The following LRMDA variants were observed in gnomAD, a reference collection of about 807,000 sequenced individuals.
LRMDA encodes leucine rich melanocyte differentiation associated.
A neutral mutation model predicts 29.8 loss-of-function variants in LRMDA; 18 were observed. That is an observed-to-expected ratio of 0.60 (90% CI 0.42 to 0.90). LRMDA has a LOEUF of 0.90. Ranked by LOEUF, LRMDA falls within the 40% of genes least tolerant of loss-of-function variation. The pLI, the probability that LRMDA is intolerant of heterozygous loss-of-function variation, is 0.00. For synonymous variants in LRMDA, 125 were observed against 109.4 expected, an observed-to-expected ratio of 1.14 and a Z score of -0.89; for missense variants, 273 against 273.9, an observed-to-expected ratio of 1.00 and a Z score of 0.02.
intron 6 of LRMDA, among the ~76,000 whole-genome samples, chr10:76,552,463 A>G (rs16933662): frequency 0.021 from 3,262 of 152,314 alleles, 44 homozygotes; most frequent in Middle Eastern, 0.034. Context: ...TCAAGGGCTG[A>G]CTTAGTCCAA....
chr10:76,531,471 T>G (rs1843233112), intron 6 of LRMDA, among the ~76,000 whole-genome samples: 1 of 152,166 alleles, frequency 6.6e-6, no homozygotes, highest in Admixed American at 6.5e-5. Context: ...TCCCCTTTTT[T>G]CCTGTGTTGC....
chr10:76,003,329 G>A (rs1257453380), intron 2 of LRMDA, among the ~76,000 whole-genome samples: 1 of 152,070 alleles, frequency 6.6e-6, no homozygotes, highest in East Asian at 1.9e-4. Context: ...CCGACTCAAG[G>A]CAAGCCTAGA....
chr10:75,544,116 TG>T (rs1840050241), intron 2 of LRMDA, among the ~76,000 whole-genome samples: 1 of 152,144 alleles, frequency 6.6e-6, no homozygotes, highest in Non-Finnish European at 1.5e-5. Context: ...CGTTTGTGTG[TG>T]TGTTTGTGTC....
intron 2 of LRMDA, among the ~76,000 whole-genome samples, chr10:75,720,658 G>A (rs951056941): frequency 6.6e-6 from 1 of 152,122 alleles, no homozygotes; most frequent in Non-Finnish European, 1.5e-5. Context: ...GAGCCCAGTC[G>A]GTGATTAAAT....
chr10:75,568,988 A>G (rs1027853799), intron 2 of LRMDA, among the ~76,000 whole-genome samples: 1 of 152,120 alleles, frequency 6.6e-6, no homozygotes, highest in Admixed American at 6.6e-5. Context: ...TATCTGTGTG[A>G]CAGAGCACTG....
intron 5 of LRMDA, among the ~76,000 whole-genome samples, chr10:76,121,663 A>C (rs1225984467): frequency 6.6e-6 from 1 of 152,210 alleles, no homozygotes; most frequent in Non-Finnish European, 1.5e-5. Context: ...TGTTTTCCCC[A>C]GTACGGTGAA....
rs528803644 is a variant in LRMDA, at chr10:76,441,488, A to G, written c.602-115721A>G. Reference sequence around the variant, plus strand: ...GAATGTTGGGACTGTTAAACAAGTAATGCACATAAAGGGCTAAACCCAAAC... The same window carrying G: ...GAATGTTGGGACTGTTAAACAAGTAGTGCACATAAAGGGCTAAACCCAAAC... On this transcript the variant is annotated intron_variant, in intron 6 of 6. Coordinates refer to ENST00000611255, the MANE Select transcript of LRMDA (RefSeq NM_001305581.2). Among the ~76,000 whole-genome samples, 5 of 152,308 alleles carry G rather than the reference A, an allele frequency of 3.3e-5. No individual in the cohort carries two copies. In the South Asian group the frequency reaches 1.0e-3, roughly 32 times the overall value.
intron 5 of LRMDA, among the ~76,000 whole-genome samples, 174 bp downstream of exon 5, chr10:76,058,957 G>C (rs1027200629): frequency 6.6e-6 from 1 of 152,172 alleles, no homozygotes; most frequent in Admixed American, 6.5e-5. Flanking sequence ...GGTGTAAATT[G>C]GATCTTCCTG....
intron 2 of LRMDA, among the ~76,000 whole-genome samples, chr10:75,662,798 T>C (rs901241087): frequency 4.6e-5 from 7 of 152,200 alleles, no homozygotes; most frequent in African/African-American, 9.7e-5. Flanking sequence ...GGTATTTGGG[T>C]ATGCACATGT....
intron 2 of LRMDA, among the ~76,000 whole-genome samples, chr10:75,742,492 T>C: frequency 6.6e-6 from 1 of 152,168 alleles, no homozygotes; most frequent in East Asian, 1.9e-4. Flanking sequence ...ATAGGTGTGC[T>C]GTGGGGGTGG....
At chr10:76,035,239 C>T (rs1180593580) in intron 2 of LRMDA, among the ~76,000 whole-genome samples, 1 of 151,888 alleles carries the variant, frequency 6.6e-6, no homozygotes, top group African/African-American at 2.4e-5. Flanking sequence ...AAAACAGTAA[C>T]TTCAGGCCAG....
chr10:75,474,652 A>G (rs1400036710), intron 2 of LRMDA, among the ~76,000 whole-genome samples: 1 of 152,206 alleles, frequency 6.6e-6, no homozygotes, highest in East Asian at 1.9e-4. Context: ...ACTTTGGTAC[A>G]AGGCAGTTTG....
At chr10:76,183,087 C>A (rs555922494) in intron 5 of LRMDA, among the ~76,000 whole-genome samples, 1 of 152,302 alleles carries the variant, frequency 6.6e-6, no homozygotes, top group African/African-American at 2.4e-5. Flanking sequence ...AGTCCCCTCT[C>A]ATTTTCCTTG....
intron 5 of LRMDA, among the ~76,000 whole-genome samples, chr10:76,086,318 T>C (rs1293759514): frequency 6.6e-6 from 1 of 152,204 alleles, no homozygotes; most frequent in Non-Finnish European, 1.5e-5. Context: ...CTTCAGGGAC[T>C]TCTAGGGAAT....
intron 2 of LRMDA, among the ~76,000 whole-genome samples, chr10:75,446,376 G>A (rs1227431411): frequency 6.6e-6 from 1 of 152,226 alleles, no homozygotes; most frequent in Non-Finnish European, 1.5e-5. Context: ...TGGTGCTAGT[G>A]AGGCTAAGAG....
intron 5 of LRMDA, among the ~76,000 whole-genome samples, chr10:76,101,992 T>C (rs1408172690): frequency 1.3e-5 from 2 of 152,198 alleles, no homozygotes; most frequent in African/African-American, 2.4e-5. Context: ...AATATGATTA[T>C]GAAGTTTATA....
intron 2 of LRMDA, among the ~76,000 whole-genome samples, chr10:76,019,670 T>C (rs775435548): frequency 6.6e-6 from 1 of 152,200 alleles, no homozygotes; most frequent in Non-Finnish European, 1.5e-5. Flanking sequence ...GGTCATTCTT[T>C]ATTGACAGTG....
chr10:76,015,685 C>T (rs986038969), intron 2 of LRMDA, among the ~76,000 whole-genome samples: 1 of 152,170 alleles, frequency 6.6e-6, no homozygotes, highest in Non-Finnish European at 1.5e-5. Flanking sequence ...TGGGAGTCAT[C>T]TTAGAAGATG....
intron 5 of LRMDA, among the ~76,000 whole-genome samples, chr10:76,139,033 C>T (rs1850149818): frequency 6.6e-6 from 1 of 152,110 alleles, no homozygotes; most frequent in South Asian, 2.1e-4. Context: ...ATCTGCACCT[C>T]CAAAAAGCAA....
Sources: gnomAD v4.1 joint callset for allele counts (sites outside exome capture counted in the v4.1 genomes callset) on GRCh38, gnomAD v4.1.1 for gene constraint, MANE v1.5 for transcripts, NCBI Gene and HGNC (gene_info 2026-07-23, HGNC 2026-07-21) for gene names.